The following FURIN variants were observed in gnomAD, a reference collection of about 807,000 sequenced individuals.
FURIN encodes FES upstream region.
FURIN carries 18 observed loss-of-function variants against 89.2 expected under a neutral mutation model. That is an observed-to-expected ratio of 0.20 (90% CI 0.14 to 0.30). FURIN has a LOEUF of 0.30. Ranked by LOEUF, FURIN falls within the 10% of genes least tolerant of loss-of-function variation. The pLI, the probability that FURIN is intolerant of heterozygous loss-of-function variation, is 1.00. For synonymous variants in FURIN, 508 were observed against 466.4 expected, an observed-to-expected ratio of 1.09 and a Z score of -1.15; for missense variants, 879 against 1,100.5, an observed-to-expected ratio of 0.80 and a Z score of 2.85.
Position 90,876,974 on chromosome 15 carries a change from A to G in FURIN, c.451A>G (p.Ile151Val). ...CACAGGGCACGGCATTGTGGTCTCC[A>G]TTCTGGACGATGGCATCGAGAAGAA... is the stretch of plus-strand genomic sequence containing the variant. The part of the protein sequence containing the change: ...GYTGHGIVVS[I>V]LDDGIEKNHP... Residue 151 changes from isoleucine to valine, a missense_variant, in exon 5 of 16, where the codon ATT becomes GTT. Physicochemically the swap from Ile to Val is conservative, Grantham distance 29 (BLOSUM62 3). Coordinates refer to ENST00000268171, the MANE Select transcript of FURIN (RefSeq NM_002569.4). This position sits in a 1 kb window ranked among gnomAD's most constrained non-coding sequence, Gnocchi z 5.0. 1 of 1,614,152 alleles carries G rather than the reference A, an allele frequency of 6.2e-7. No individual in the cohort carries two copies. The highest frequency in any genetic ancestry group is 8.5e-7 in the Non-Finnish European group (1 of 1,180,016).
intron 14 of FURIN, 39 bp from the exon 15 acceptor site, chr15:90,880,891 C>T (rs1349298235): frequency 6.2e-7 from 1 of 1,610,420 alleles, no homozygotes; most frequent in East Asian, 2.2e-5. Context: ...GTGGTGCCAG[C>T]ACTGTCTTAA....
In FURIN at chr15:90,881,729, G is replaced by C. The variant is rs749293632; in HGVS notation, c.2236G>C (p.Gly746Arg). ...LQLRSGFSFR[G>R]VKVYTMDRGL... The stretch of plus-strand genomic sequence containing the variant: ...GCTGCGCTCTGGCTTTAGTTTTCGG[G>C]GGGTGAAGGTGTACACCATGGACCG... The change falls in exon 16 of 16, where the codon GGG becomes CGG. Residue 746 changes from glycine to arginine, a missense_variant. Physicochemically the swap from Gly to Arg is moderately radical, Grantham distance 125 (BLOSUM62 -2). Transcript: ENST00000268171. The surrounding 1 kb of genome is among the most constrained non-coding windows in gnomAD (Gnocchi z 4.3). 6.3e-6 allele frequency: 10 copies of C among 1,599,324 alleles called. No homozygotes were observed. Among genetic ancestry groups the C allele is most frequent in the South Asian group, 4.5e-5 (4 of 89,702 alleles).
chr15:90,879,714 A>G lies in FURIN; in HGVS notation c.1198A>G (p.Thr400Ala). Residue 400 changes from threonine to alanine, a missense_variant, in exon 11 of 16, where the codon ACC (threonine) becomes GCC (alanine). Around this residue, in one of 5 missense-constraint regions of FURIN, gnomAD observed 156 missense variants for 243.7 expected, o/e 0.64. Coordinates refer to ENST00000268171, the MANE Select transcript of FURIN (RefSeq NM_002569.4). ...WRDMQHLVVQ[T>A]SKPAHLNAND... ...GGACATGCAACACCTGGTGGTACAG[A>G]CCTCGAAGCCAGCCCACCTCAATGC... 6.2e-7 allele frequency: 1 copy of G among 1,613,748 alleles called. No individual in the cohort carries two copies. Among genetic ancestry groups the G allele is most frequent in the Non-Finnish European group, 8.5e-7 (1 of 1,180,016 alleles).
At chr15:90,873,152 C>T (rs1339958233) in intron 1 of FURIN, 1 of 152,198 alleles carries the variant, frequency 6.6e-6, no homozygotes, top group Non-Finnish European at 1.5e-5. Context: ...TCATTGTTTT[C>T]AGTTCTTACT....
intron 2 of FURIN, 35 bp downstream of exon 2, chr15:90,875,952 G>A (rs879151297): frequency 6.7e-7 from 1 of 1,501,486 alleles, no homozygotes; most frequent in Non-Finnish European, 9.0e-7. Context: ...GCCAGGGGGT[G>A]GGACCAGAGA....
rs1466062432 is a variant in FURIN, at chr15:90,880,150, C to T, written c.1433C>T (p.Pro478Leu). The change falls in exon 13 of 16, where the codon CCC (proline) becomes CTC (leucine). Residue 478 changes from proline (P) to leucine (L), a missense_variant. Pro to Leu is a moderately conservative substitution (Grantham distance 98). This residue lies in a region of FURIN where 457 missense variants were observed against 490.7 expected (regional missense o/e 0.93). Transcript: ENST00000268171. ...ACCGTGACCGCGTGCCTGGGCGAGCCCAACCACATCACTCGGCTGGAGCAC... is the reference window on the plus strand; with the variant it reads ...ACCGTGACCGCGTGCCTGGGCGAGCTCAACCACATCACTCGGCTGGAGCAC... Reference protein sequence around the residue: ...RKTVTACLGEPNHITRLEHAQ... With the variant: ...RKTVTACLGELNHITRLEHAQ... 6.2e-7 allele frequency: 1 copy of T among 1,612,462 alleles called. No individual in the cohort carries two copies. Among genetic ancestry groups the T allele is most frequent in the Non-Finnish European group, 8.5e-7 (1 of 1,179,508 alleles).
Position 90,881,716 on chromosome 15 carries a change from C to T in FURIN, c.2223C>T (p.Gly741=), listed in dbSNP as rs1350961248. The T allele has an allele frequency of 6.3e-7, 1 of 1,597,008 alleles. No individual in the cohort carries two copies. Residue 741 remains glycine, a synonymous_variant, in exon 16 of 16, where the codon GGC becomes GGT. Coordinates refer to ENST00000268171, the MANE Select transcript of FURIN (RefSeq NM_002569.4). The surrounding 1 kb of genome is among the most constrained non-coding windows in gnomAD (Gnocchi z 4.3). ...TVFLVLQLRS[G]FSFRGVKVYT... is the part of the protein sequence containing the mutation. ...TCCTGGTCCTGCAGCTGCGCTCTGG[C>T]TTTAGTTTTCGGGGGGTGAAGGTGT...
In FURIN at chr15:90,876,157, G is replaced by T; in HGVS notation, c.178-98G>T. The T allele has an allele frequency of 2.2e-6, 2 of 893,330 alleles. No homozygotes were observed. Among genetic ancestry groups the T allele is most frequent in the African/African-American group, 1.6e-5 (1 of 61,170 alleles). 55.3% of individuals were successfully genotyped at this position (893,330 alleles called of 1,614,324 possible). On this transcript the variant is annotated intron_variant, in intron 2 of 15. Coordinates refer to ENST00000268171, the MANE Select transcript of FURIN (RefSeq NM_002569.4). This position sits in a 1 kb window ranked among gnomAD's most constrained non-coding sequence, Gnocchi z 5.0. ...GAGCAGATGCCCCGCACCCCCGACC[G>T]TGGCGAGCCTCCCATGAAGCCGTTG...
chr15:90,880,836 G>A (rs780933806), intron 14 of FURIN, 21 bp downstream of exon 14: 4 of 1,612,038 alleles, frequency 2.5e-6, no homozygotes, highest in Admixed American at 1.7e-5. Flanking sequence ...CACTTGAGGG[G>A]TAGGGGTACG....
At chr15:90,877,670 TC>T in intron 7 of FURIN, 55 bp downstream of exon 7, 1 of 1,246,554 alleles carries the variant, frequency 8.0e-7, no homozygotes. Context: ...GTGGAATTTT[TC>T]CCGCCCACTT....
At chr15:90,874,257 A>G (rs2031482406) in intron 1 of FURIN, among the ~76,000 whole-genome samples, 1 of 152,246 alleles carries the variant, frequency 6.6e-6, no homozygotes, top group African/African-American at 2.4e-5. Flanking sequence ...TGAAGGAGGA[A>G]AAACAACACT....
Position 90,880,080 on chromosome 15 carries a change from G to T in FURIN, c.1377-14G>T. On this transcript the variant is annotated splice_polypyrimidine_tract_variant and intron_variant, in intron 12 of 15. Coordinates refer to ENST00000268171, the MANE Select transcript of FURIN (RefSeq NM_002569.4). ...TCTGGGCCAGGCTGACCATCATGGT[G>T]CTCTCCTGCACAGAGACATCGGGAA... 1 of 1,603,816 alleles carries T rather than the reference G, an allele frequency of 6.2e-7. No homozygotes were observed.
rs765457772 is a variant in FURIN at position 90,876,884 on chromosome 15, G to T, written c.373-12G>T. The stretch of plus-strand genomic sequence containing the variant: ...TCATGTCTCATAAGTGATGGGGTGG[G>T]TGTCTCCACAGTCTGGTGTCACTCA... On this transcript the variant is annotated splice_polypyrimidine_tract_variant and intron_variant, in intron 4 of 15. Transcript: ENST00000268171. The surrounding 1 kb of genome is among the most constrained non-coding windows in gnomAD (Gnocchi z 5.0). The T allele has an allele frequency of 1.1e-5, 17 of 1,613,662 alleles. No homozygotes were observed. The Admixed American group carries it at 2.8e-4, about 27-fold the overall frequency.
rs1299741197 is a variant in FURIN, at chr15:90,882,174, A to C, written c.*296A>C. ...CCCAGCCAGAGTTCCTGCGGAGTGA[A>C]GAGGGGCAGCCCTTGCTTGTTGGGA... is the stretch of plus-strand genomic sequence containing the variant. On this transcript the variant is annotated 3_prime_UTR_variant, in exon 16 of 16. Transcript: ENST00000268171. 1 of 394,726 alleles carries C rather than the reference A, an allele frequency of 2.5e-6. No homozygotes were observed. The highest frequency in any genetic ancestry group is 2.1e-5 in the African/African-American group (1 of 47,050). 24.5% of individuals were successfully genotyped at this position (394,726 alleles called of 1,614,324 possible).
chr15:90,879,845 C>T (rs1169371898), intron 11 of FURIN, 22 bp from the exon 12 acceptor site: 6 of 1,609,038 alleles, frequency 3.7e-6, no homozygotes, highest in Non-Finnish European at 5.1e-6. Context: ...GACAGCTGAC[C>T]CTACCTTCCC....
chr15:90,879,586 A>C (rs1596078237), intron 10 of FURIN, 42 bp downstream of exon 10: 1 of 1,563,836 alleles, frequency 6.4e-7, no homozygotes, highest in Non-Finnish European at 8.8e-7. Flanking sequence ...CCCTACCAGC[A>C]CTCTCTGTAG....
chr15:90,876,195 C>A lies in FURIN; in HGVS notation c.178-60C>A. The A allele has an allele frequency of 8.8e-7, 1 of 1,136,804 alleles. No individual in the cohort carries two copies. Among genetic ancestry groups the A allele is most frequent in the Non-Finnish European group, 1.3e-6 (1 of 778,200 alleles). The allele number at this position is 1,136,804 out of a possible 1,614,324, so 70.4% of individuals were successfully genotyped here. A position where few individuals can be genotyped will look rare whatever the true frequency, so the allele number is the denominator to read the frequency against. ...CATGAAGCCGTTGTCCACCCCCGTCCCCCGCCTCCCGGGGACTGACAGATG... is the reference window on the plus strand; with the variant it reads ...CATGAAGCCGTTGTCCACCCCCGTCACCCGCCTCCCGGGGACTGACAGATG... On this transcript the variant is annotated intron_variant, in intron 2 of 15. Transcript: ENST00000268171. This position sits in a 1 kb window ranked among gnomAD's most constrained non-coding sequence, Gnocchi z 5.0.
chr15:90,878,382 T>C (rs2031755117), intron 8 of FURIN, 78 bp downstream of exon 8: 2 of 1,205,400 alleles, frequency 1.7e-6, no homozygotes, highest in Non-Finnish European at 1.1e-6. Flanking sequence ...TTTTGGTTTG[T>C]TTTATTTATT....
chr15:90,877,293 C>A, intron 6 of FURIN, 82 bp downstream of exon 6: 3 of 1,224,412 alleles, frequency 2.5e-6, no homozygotes, highest in Non-Finnish European at 2.3e-6. Flanking sequence ...GTGAGATGTG[C>A]CTTGCCTAAA....
Sources: allele counts gnomAD v4.1 joint callset (sites outside exome capture counted in the v4.1 genomes callset), GRCh38; gene constraint gnomAD v4.1.1; regional missense constraint gnomAD v4.1.1; non-coding constraint Gnocchi (gnomAD v3.1); transcripts MANE v1.5; gene names NCBI Gene and HGNC (gene_info 2026-07-23, HGNC 2026-07-21).